Variants in NRG1 observed in about 807,000 individuals in gnomAD.
The protein encoded by NRG1 is pro-neuregulin-1, membrane-bound isoform.
Under a neutral mutation model 63.8 loss-of-function variants are expected in NRG1, and 18 were observed. The observed-to-expected ratio is 0.28, with a 90% CI of 0.19 to 0.42. The LOEUF (loss-of-function observed/expected upper bound fraction) is 0.42. NRG1 is among the 10% of genes least tolerant of loss of function. The pLI, the probability that NRG1 is intolerant of heterozygous loss-of-function variation, is 1.00. For synonymous variants in NRG1, 302 were observed against 301.3 expected (o/e 1.00, Z -0.02); for missense variants, 762 against 814.7 (o/e 0.94, Z 0.79).
At chr8:32,136,219 A>T (rs1395346729) in intron 1 of NRG1, among the ~76,000 whole-genome samples, 1 of 152,234 alleles carries the variant, frequency 6.6e-6, no homozygotes, top group East Asian at 1.9e-4. Context: ...AACAGAGCTT[A>T]CTGCCCATTA....
chr8:32,029,810 A>G (rs1467491370), intron 1 of NRG1, among the ~76,000 whole-genome samples: 1 of 150,968 alleles, frequency 6.6e-6, no homozygotes, highest in Non-Finnish European at 1.5e-5. Context: ...AATTTGTCTC[A>G]ATAATAATTA....
chr8:32,581,279 T>C (rs1840581117), intron 1 of NRG1, among the ~76,000 whole-genome samples: 1 of 152,198 alleles, frequency 6.6e-6, no homozygotes, highest in Non-Finnish European at 1.5e-5. Context: ...AGATACTAGC[T>C]GCATGCCAGA....
At chr8:32,395,029 C>T (rs532645759) in intron 1 of NRG1, among the ~76,000 whole-genome samples, 40 of 152,226 alleles carry the variant, frequency 2.6e-4, no homozygotes, top group South Asian at 1.0e-3. Context: ...CAAAAGAGAA[C>T]GCAAGGAATG....
chr8:32,068,622 A>G (rs1012269652), intron 1 of NRG1, among the ~76,000 whole-genome samples: 3 of 152,188 alleles, frequency 2.0e-5, no homozygotes, highest in Non-Finnish European at 1.5e-5. Flanking sequence ...CAATCTGTGC[A>G]TGGCATTACC....
chr8:32,659,271 G>C (rs924607827), intron 5 of NRG1, among the ~76,000 whole-genome samples: 4 of 151,540 alleles, frequency 2.6e-5, no homozygotes, highest in Non-Finnish European at 5.9e-5. Context: ...ATTCTCCCGA[G>C]TGCTGGGGCT....
rs145680720 is a variant in NRG1 at position 32,043,026 on chromosome 8, G to A, written c.37+403595G>A. ...CACAAACGTATATAAACACCCTTAT[G>A]TTTGAAGAAATAATGGCTGAAACAT... is the stretch of plus-strand genomic sequence containing the variant. On this transcript the variant is annotated intron_variant, in intron 1 of 10. Transcript: ENST00000519301. Among the ~76,000 whole-genome samples, 542 of 136,012 alleles carry A rather than the reference G, an allele frequency of 4.0e-3. 9 individuals are homozygous for A. Among genetic ancestry groups the A allele is most frequent in the Admixed American group, 0.026 (349 of 13,294 alleles). The allele number at this position is 136,012 out of a possible 152,430, so 89.2% of individuals were successfully genotyped here. A position where few individuals can be genotyped will look rare whatever the true frequency, so the allele number is the denominator to read the frequency against.
At chr8:32,686,878 T>A (rs1489035174) in intron 5 of NRG1, among the ~76,000 whole-genome samples, 1 of 152,182 alleles carries the variant, frequency 6.6e-6, no homozygotes, top group Non-Finnish European at 1.5e-5. Flanking sequence ...TTGGTATTAA[T>A]GATACAGCGA....
rs1282626255 is a variant in NRG1, at chr8:32,728,145, A to G, written c.632+67A>G. 4.4e-6 allele frequency: 7 copies of G among 1,590,734 alleles called. No homozygotes were observed. In the East Asian group the frequency reaches 1.1e-4, roughly 26 times the overall value. On this transcript the variant is annotated intron_variant, in intron 6 of 11. Transcript: ENST00000356819. Reference sequence around the variant, plus strand: ...CTTGTTTCAGATGATTCTATGTCTCATGATGTATTGTTGCTTTTTTTCCAA... The same window carrying G: ...CTTGTTTCAGATGATTCTATGTCTCGTGATGTATTGTTGCTTTTTTTCCAA...
intron 1 of NRG1, among the ~76,000 whole-genome samples, chr8:32,530,026 C>G (rs1726775518): frequency 6.6e-6 from 1 of 152,186 alleles, no homozygotes; most frequent in Admixed American, 6.5e-5. Context: ...TTTGTTTACA[C>G]CAGCAACACC....
chr8:31,692,086 G>A (rs1436732727), intron 1 of NRG1, among the ~76,000 whole-genome samples: 1 of 152,152 alleles, frequency 6.6e-6, no homozygotes, highest in Non-Finnish European at 1.5e-5. Flanking sequence ...CCCTGCTTAG[G>A]CATCCCAAAT....
chr8:32,046,185 A>G (rs980834753), intron 1 of NRG1, among the ~76,000 whole-genome samples: 4 of 152,092 alleles, frequency 2.6e-5, no homozygotes, highest in Non-Finnish European at 5.9e-5. Flanking sequence ...AATCAAACAG[A>G]ACTATGTGCA....
intron 4 of NRG1, among the ~76,000 whole-genome samples, chr8:32,614,799 A>G (rs566210803): frequency 1.5e-3 from 229 of 152,238 alleles, no homozygotes; most frequent in Middle Eastern, 3.4e-3. Flanking sequence ...AAAGAAATCT[A>G]TATCTAGGTG....
intron 1 of NRG1, among the ~76,000 whole-genome samples, chr8:32,420,104 T>C (rs1816500019): frequency 6.6e-6 from 1 of 152,144 alleles, no homozygotes; most frequent in African/African-American, 2.4e-5. Flanking sequence ...GCTCGTACTC[T>C]CTGTGTTTAA....
chr8:31,815,444 T>G (rs569560739), intron 1 of NRG1, among the ~76,000 whole-genome samples: 1 of 152,346 alleles, frequency 6.6e-6, no homozygotes, highest in South Asian at 2.1e-4. Context: ...TTTTTAAGAC[T>G]GAATAATCAT....
intron 3 of NRG1, among the ~76,000 whole-genome samples, chr8:32,614,190 TC>T (rs1846884912): frequency 6.6e-6 from 1 of 152,072 alleles, no homozygotes. Flanking sequence ...CTTTCTTAGT[TC>T]CCCTATTTCG....
At chr8:31,811,472 A>AT (rs1432664949) in intron 1 of NRG1, among the ~76,000 whole-genome samples, 5 of 152,030 alleles carry the variant, frequency 3.3e-5, no homozygotes, top group Admixed American at 1.3e-4. Flanking sequence ...CTAAAATATG[A>AT]TTTTTTTCCT....
At chr8:32,524,194 G>C (rs963051488) in intron 1 of NRG1, among the ~76,000 whole-genome samples, 4 of 152,142 alleles carry the variant, frequency 2.6e-5, no homozygotes, top group African/African-American at 9.7e-5. Flanking sequence ...GGCTGAGGTG[G>C]GAGGATTGCT....
chr8:32,279,351 T>TTTTTG (rs903793645), intron 1 of NRG1, among the ~76,000 whole-genome samples: 1 of 152,156 alleles, frequency 6.6e-6, no homozygotes, highest in Non-Finnish European at 1.5e-5. Context: ...AAAAGTTGTT[T>TTTTTG]TTTTGTTTTG....
chr8:31,895,442 T>G (rs1274373756), intron 1 of NRG1, among the ~76,000 whole-genome samples: 1 of 152,248 alleles, frequency 6.6e-6, no homozygotes, highest in Non-Finnish European at 1.5e-5. Context: ...CCTTTGGCTT[T>G]GTTGATGGTA....
Sources: gnomAD v4.1 joint callset for allele counts (sites outside exome capture counted in the v4.1 genomes callset) on GRCh38, gnomAD v4.1.1 for gene constraint, MANE v1.5 for transcripts, NCBI Gene and HGNC (gene_info 2026-07-23, HGNC 2026-07-21) for gene names.